IQSEC1: variants seen among roughly 807,000 people sequenced by gnomAD.
IQSEC1 encodes IQ motif and SEC7 domain-containing protein 1.
Under a neutral mutation model 91.0 loss-of-function variants are expected in IQSEC1, and 31 were observed. That is an observed-to-expected ratio of 0.34 (90% CI 0.26 to 0.46). The LOEUF (loss-of-function observed/expected upper bound fraction) is 0.46. Among genes scored for constraint, IQSEC1 ranks in the 20% least tolerant of loss-of-function variants. The pLI is 1.00. For missense variants in IQSEC1, 1,388 were observed against 1,575.6 expected (o/e 0.88, Z 2.02); for synonymous variants, 699 against 662.6 (o/e 1.05, Z -0.84).
intron 1 of IQSEC1, among the ~76,000 whole-genome samples, chr3:13,184,186 C>G (rs558072441): frequency 6.6e-6 from 1 of 152,210 alleles, no homozygotes; most frequent in South Asian, 2.1e-4. Context: ...ACCCTGATAC[C>G]CAAACTAGAC....
At chr3:13,210,564 A>G (rs1486918345) in intron 1 of IQSEC1, among the ~76,000 whole-genome samples, 3 of 152,212 alleles carry the variant, frequency 2.0e-5, no homozygotes, top group Non-Finnish European at 4.4e-5. Context: ...TAACCCCAGG[A>G]GCTCCAGCAA....
At chr3:13,017,921 G>A (rs914734345) in intron 1 of IQSEC1, among the ~76,000 whole-genome samples, 3 of 152,112 alleles carry the variant, frequency 2.0e-5, no homozygotes, top group Non-Finnish European at 2.9e-5. Context: ...GGCTCTTCCC[G>A]GAGATAGACA....
chr3:13,108,181 C>T (rs1295901327), intron 2 of IQSEC1, among the ~76,000 whole-genome samples: 4 of 152,220 alleles, frequency 2.6e-5, no homozygotes, highest in Non-Finnish European at 5.9e-5. Flanking sequence ...TGTTCACTGA[C>T]CATTATTTCA....
chr3:13,043,750 A>G (rs1161152375), intron 1 of IQSEC1, among the ~76,000 whole-genome samples: 1 of 152,228 alleles, frequency 6.6e-6, no homozygotes, highest in East Asian at 1.9e-4. Flanking sequence ...GAAGGAAGGA[A>G]GGATCTTGTA....
chr3:13,088,827 G>A (rs1418181077), intron 2 of IQSEC1, among the ~76,000 whole-genome samples: 3 of 152,186 alleles, frequency 2.0e-5, no homozygotes, highest in African/African-American at 7.2e-5. Context: ...TTTTTGCCCA[G>A]GGGGATATTC....
Position 13,233,582 on chromosome 3 carries a change from G to A in IQSEC1, c.272+49129C>T, listed in dbSNP as rs189123254. On this transcript the variant is annotated intron_variant, in intron 1 of 15. Transcript: ENST00000648114. Reference sequence around the variant, plus strand: ...CCTCAAGGGGTTGGTCCCGGACTGTGCCCCAGCCTCCCCACCCAGCTCGAC... The same window carrying A: ...CCTCAAGGGGTTGGTCCCGGACTGTACCCCAGCCTCCCCACCCAGCTCGAC... 2.8e-3 allele frequency among the ~76,000 whole-genome samples: 428 copies of A among 152,268 alleles called. 2 individuals carry two copies. Among genetic ancestry groups the A allele is most frequent in the African/African-American group, 9.9e-3 (411 of 41,546 alleles).
At chr3:13,093,376 C>T (rs1201699548) in intron 2 of IQSEC1, among the ~76,000 whole-genome samples, 1 of 152,108 alleles carries the variant, frequency 6.6e-6, no homozygotes, top group African/African-American at 2.4e-5. Flanking sequence ...GCCATCTGAG[C>T]CCCAGCACCT....
rs981876395 is a variant in IQSEC1 at position 12,899,610 on chromosome 3, C to T, written c.*1373G>A. 14 of 985,300 alleles carry T rather than the reference C, an allele frequency of 1.4e-5. No homozygotes were observed. Among genetic ancestry groups the T allele is most frequent in the Non-Finnish European group, 1.4e-5 (12 of 829,934 alleles). 61.0% of individuals were successfully genotyped at this position (985,300 alleles called of 1,614,324 possible). On this transcript the variant is annotated 3_prime_UTR_variant, in exon 14 of 14. Coordinates refer to ENST00000613206, the MANE Select transcript of IQSEC1 (RefSeq NM_001134382.3). ...GGCAGCGGGGGCTCCGCCGGGCACT[C>T]GTCGGCTGGGGTCACACGGGCCACG...
chr3:13,198,047 C>T (rs777642765), intron 1 of IQSEC1, among the ~76,000 whole-genome samples: 1 of 152,144 alleles, frequency 6.6e-6, no homozygotes, highest in Non-Finnish European at 1.5e-5. Flanking sequence ...TCTGTGGGCA[C>T]GCAGGGTCTG....
chr3:13,177,601 C>T (rs895754597), intron 1 of IQSEC1, among the ~76,000 whole-genome samples: 1 of 152,216 alleles, frequency 6.6e-6, no homozygotes, highest in Non-Finnish European at 1.5e-5. Context: ...GTGTCTGGGT[C>T]TCAATCCTGG....
At chr3:13,044,651 G>A (rs562481527) in intron 1 of IQSEC1, among the ~76,000 whole-genome samples, 111 of 152,330 alleles carry the variant, frequency 7.3e-4, no homozygotes, top group African/African-American at 2.3e-3. Context: ...TAGCACAGGC[G>A]GGGCCAGCAG....
At position 13,073,117 on chromosome 3, in the gene IQSEC1, T is replaced by C; in HGVS notation, c.-103A>G. 3 of 1,331,194 alleles carry C rather than the reference T, an allele frequency of 2.3e-6. No homozygotes were observed. The highest frequency in any genetic ancestry group is 3.1e-6 in the Non-Finnish European group (3 of 965,904). The allele number at this position is 1,331,194 out of a possible 1,614,324, so 82.5% of individuals were successfully genotyped here. ...GGCTCAGGCAAGAAGTGGAGGGGAATAAAATTAAATCGCGGGGCGAGTCAC... is the reference window on the plus strand; with the variant it reads ...GGCTCAGGCAAGAAGTGGAGGGGAACAAAATTAAATCGCGGGGCGAGTCAC... On this transcript the variant is annotated 5_prime_UTR_variant, in exon 1 of 14. Coordinates refer to ENST00000613206, the MANE Select transcript of IQSEC1 (RefSeq NM_001134382.3).
Position 12,901,152 on chromosome 3 carries a change from T to G in IQSEC1, c.3176A>C (p.His1059Pro). The change falls in exon 14 of 14, where the codon CAC becomes CCC. Residue 1059 changes from histidine (H) to proline (P), a missense_variant. His to Pro is a moderately conservative substitution (Grantham distance 77, BLOSUM62 -2). Transcript: ENST00000613206. Reference sequence around the variant, plus strand: ...TGGGTGGCCCCCATGGGGGCCGTGGTGGTACTGGTGTGCGTGCTGGATGTG... The same window carrying G: ...TGGGTGGCCCCCATGGGGGCCGTGGGGGTACTGGTGTGCGTGCTGGATGTG... ...PQHIQHAHQYHHGPHGGHPAY... is the reference protein window; with the variant it reads ...PQHIQHAHQYPHGPHGGHPAY... 1 of 1,542,668 alleles carries G rather than the reference T, an allele frequency of 6.5e-7. No homozygotes were observed.
chr3:13,174,843 C>T (rs1318970897), intron 1 of IQSEC1, among the ~76,000 whole-genome samples: 1 of 151,336 alleles, frequency 6.6e-6, no homozygotes. Flanking sequence ...TCCCCCCCCC[C>T]ACCTCCTCCC....
At chr3:13,261,279 A>G (rs988346019) in intron 1 of IQSEC1, among the ~76,000 whole-genome samples, 2 of 152,088 alleles carry the variant, frequency 1.3e-5, no homozygotes, top group Non-Finnish European at 2.9e-5. Context: ...GCCACACACA[A>G]TGTCCGGTCG....
chr3:13,279,625 G>A (rs777046376), intron 1 of IQSEC1, among the ~76,000 whole-genome samples: 10 of 152,300 alleles, frequency 6.6e-5, no homozygotes, highest in East Asian at 1.9e-4. Context: ...AACCCCCCTC[G>A]AGTCACTGCA....
At chr3:12,901,838 G>T (rs572858929) in intron 13 of IQSEC1, among the ~76,000 whole-genome samples, 251 of 152,316 alleles carry the variant, frequency 1.6e-3, no homozygotes, top group African/African-American at 5.7e-3. Flanking sequence ...GCAGCAGCCT[G>T]AGATTTCAAA....
At chr3:12,952,836 G>T (rs1246840443) in intron 1 of IQSEC1, among the ~76,000 whole-genome samples, 1 of 152,238 alleles carries the variant, frequency 6.6e-6, no homozygotes, top group African/African-American at 2.4e-5. Context: ...GGCTGAGAAG[G>T]AAGAGGAGAA....
chr3:13,001,281 AC>A, intron 1 of IQSEC1, among the ~76,000 whole-genome samples: 1 of 152,096 alleles, frequency 6.6e-6, no homozygotes, highest in East Asian at 1.9e-4. Context: ...TCTTATCATT[AC>A]CCCACACTGC....
Sources: gnomAD v4.1 joint callset for allele counts (sites outside exome capture counted in the v4.1 genomes callset) on GRCh38, gnomAD v4.1.1 for gene constraint, MANE v1.5 for transcripts, NCBI Gene and HGNC (gene_info 2026-07-23, HGNC 2026-07-21) for gene names.